The following NSUN6 variants were observed in gnomAD, a reference collection of about 807,000 sequenced individuals.
NSUN6 encodes the protein NOP2/Sun RNA methyltransferase 6, also known as tRNA (cytosine(72)-C(5))-methyltransferase NSUN6.
Under a neutral mutation model 58.0 loss-of-function variants are expected in NSUN6, and 64 were observed. The ratio of observed to expected loss-of-function variants is 1.10; its 90% confidence interval spans 0.90 to 1.36. NSUN6 has a LOEUF of 1.36. Among genes scored for constraint, NSUN6 ranks in the 40% most tolerant of loss-of-function variants. The pLI, the probability that NSUN6 is intolerant of heterozygous loss-of-function variation, is 0.00. For synonymous variants in NSUN6, 231 were observed against 193.9 expected (o/e 1.19, Z -1.59); for missense variants, 701 against 550.1 (o/e 1.27, Z -2.74).
chr10:18,619,166 T>C (rs929812082), intron 3 of NSUN6, among the ~76,000 whole-genome samples: 1 of 152,244 alleles, frequency 6.6e-6, no homozygotes, highest in African/African-American at 2.4e-5. Context: ...AGTGTTTGGC[T>C]TGGACTGAAT....
chr10:18,599,978 T>C (rs1274371556), intron 6 of NSUN6, among the ~76,000 whole-genome samples: 1 of 152,216 alleles, frequency 6.6e-6, no homozygotes, highest in Admixed American at 6.5e-5. Flanking sequence ...CCAAATAATA[T>C]AGTACAGTTG....
intron 6 of NSUN6, among the ~76,000 whole-genome samples, chr10:18,599,586 C>A (rs541201258): frequency 6.6e-6 from 1 of 152,156 alleles, no homozygotes; most frequent in East Asian, 1.9e-4. Flanking sequence ...TGGAGCCATG[C>A]GCCACTGCTG....
At chr10:18,583,593 T>C (rs142360923) in intron 8 of NSUN6, among the ~76,000 whole-genome samples, 52 of 152,194 alleles carry the variant, frequency 3.4e-4, no homozygotes, top group African/African-American at 1.2e-3. Flanking sequence ...AATAAAAATA[T>C]GTTCAAAGAA....
chr10:18,550,454 T>C (rs80054254), intron 9 of NSUN6, among the ~76,000 whole-genome samples: 1 of 152,342 alleles, frequency 6.6e-6, no homozygotes, highest in African/African-American at 2.4e-5. Context: ...ATTGTTGCTC[T>C]AGCCTTGTAT....
chr10:18,611,281 T>C (rs2058226044), intron 5 of NSUN6, among the ~76,000 whole-genome samples: 1 of 152,044 alleles, frequency 6.6e-6, no homozygotes, highest in Non-Finnish European at 1.5e-5. Flanking sequence ...AGGACTCCAT[T>C]AGGATGAGCA....
chr10:18,581,002 T>C (rs1375044704), intron 8 of NSUN6, among the ~76,000 whole-genome samples: 2 of 152,180 alleles, frequency 1.3e-5, no homozygotes, highest in Admixed American at 6.5e-5. Context: ...ACTGGGCGAC[T>C]TGAGAGATCA....
At chr10:18,567,437 C>T (rs2056040607) in intron 8 of NSUN6, among the ~76,000 whole-genome samples, 1 of 150,590 alleles carries the variant, frequency 6.6e-6, no homozygotes, top group African/African-American at 2.4e-5. Flanking sequence ...TTCCATGCTC[C>T]ATTCCATTCC....
At chr10:18,567,082 T>G (rs1453626410) in intron 8 of NSUN6, among the ~76,000 whole-genome samples, 2 of 151,284 alleles carry the variant, frequency 1.3e-5, no homozygotes, top group Non-Finnish European at 3.0e-5. Context: ...TCCATTCCAT[T>G]CCATTTTCCA....
chr10:18,610,973 A>G (rs1040857396), intron 5 of NSUN6, among the ~76,000 whole-genome samples: 1 of 152,114 alleles, frequency 6.6e-6, no homozygotes, highest in Non-Finnish European at 1.5e-5. Flanking sequence ...AGAGACTGGC[A>G]CAGGAGGATC....
rs190371334 is a variant in NSUN6, at chr10:18,626,748, C to G, written c.312-10455G>C. 4.6e-5 allele frequency among the ~76,000 whole-genome samples: 7 copies of G among 151,664 alleles called. No individual in the cohort carries two copies. In the East Asian group the frequency reaches 1.4e-3, roughly 30 times the overall value. The stretch of plus-strand genomic sequence containing the variant: ...TGCCATTGCACTCTAGCTTGGGCAA[C>G]AAGGGCAAGACTCCGTCCTGGGTGG... On this transcript the variant is annotated intron_variant, in intron 3 of 10. Coordinates refer to ENST00000377304, the MANE Select transcript of NSUN6 (RefSeq NM_182543.5).
At chr10:18,579,337 A>AT (rs1459371817) in intron 8 of NSUN6, among the ~76,000 whole-genome samples, 1 of 151,864 alleles carries the variant, frequency 6.6e-6, no homozygotes, top group Non-Finnish European at 1.5e-5. Context: ...CATCCAGCTA[A>AT]TTTTTTGTAT....
intron 8 of NSUN6, among the ~76,000 whole-genome samples, chr10:18,584,735 G>A (rs557951949): frequency 3.3e-5 from 5 of 152,120 alleles, no homozygotes; most frequent in East Asian, 1.9e-4. Flanking sequence ...ATACATCATC[G>A]TAAAAATGTT....
upstream of NSUN6, chr10:18,653,222 C>A: frequency 5.1e-6 from 5 of 984,848 alleles, no homozygotes; most frequent in Non-Finnish European, 6.0e-6. Flanking sequence ...GTACCCAAGC[C>A]TAATCCATAA....
At chr10:18,549,001 G>T (rs565621820) in intron 9 of NSUN6, among the ~76,000 whole-genome samples, 1 of 152,142 alleles carries the variant, frequency 6.6e-6, no homozygotes, top group South Asian at 2.1e-4. Flanking sequence ...CTTTTGCCTG[G>T]ATTATTCCAA....
intron 8 of NSUN6, among the ~76,000 whole-genome samples, chr10:18,582,932 A>G (rs1235158344): frequency 6.6e-6 from 1 of 152,156 alleles, no homozygotes; most frequent in African/African-American, 2.4e-5. Flanking sequence ...ATTAGCATTC[A>G]AGTTGTTACG....
chr10:18,563,959 T>C (rs555037269), intron 8 of NSUN6, among the ~76,000 whole-genome samples: 2 of 151,218 alleles, frequency 1.3e-5, no homozygotes, highest in East Asian at 3.9e-4. Context: ...CATTCTCGAT[T>C]CCTTTCTATT....
chr10:18,592,600 A>C (rs544468053), intron 7 of NSUN6, among the ~76,000 whole-genome samples: 1 of 152,356 alleles, frequency 6.6e-6, no homozygotes, highest in Non-Finnish European at 1.5e-5. Flanking sequence ...AAACCTGACA[A>C]AAACAAGCAA....
chr10:18,588,042 C>G (rs1305546936), intron 7 of NSUN6, among the ~76,000 whole-genome samples: 2 of 152,208 alleles, frequency 1.3e-5, no homozygotes, highest in East Asian at 3.9e-4. Context: ...ATTCTCACAG[C>G]CAGCACAGCA....
upstream of NSUN6, chr10:18,651,711 C>A (rs965025875): frequency 7.1e-6 from 7 of 985,718 alleles, no homozygotes; most frequent in East Asian, 1.1e-4. Flanking sequence ...GTTTCCCCAA[C>A]ACTGCGTTAC....
Sources: gnomAD v4.1 joint callset for allele counts (sites outside exome capture counted in the v4.1 genomes callset) on GRCh38, gnomAD v4.1.1 for gene constraint, MANE v1.5 for transcripts, NCBI Gene and HGNC (gene_info 2026-07-23, HGNC 2026-07-21) for gene names.